The following RIMS1 variants were observed in gnomAD, a reference collection of about 807,000 sequenced individuals.
RIMS1 encodes the protein regulating synaptic membrane exocytosis protein 1.
In RIMS1, 83 loss-of-function variants were observed where a neutral mutation model predicts 214.1. That is an observed-to-expected ratio of 0.39 (90% CI 0.32 to 0.47). The LOEUF is 0.47. RIMS1 is among the 20% of genes least tolerant of loss of function. The probability of loss-of-function intolerance (pLI) is 0.99; values close to 1 mark genes in which losing one functional copy is unlikely to be tolerated. For synonymous variants in RIMS1, 793 were observed against 786.8 expected, an observed-to-expected ratio of 1.01 and a Z score of -0.13; for missense variants, 2,050 against 2,161.8, an observed-to-expected ratio of 0.95 and a Z score of 1.03.
In RIMS1 at chr6:72,160,311, C is replaced by A. The variant is rs1241038176; in HGVS notation, c.472-19264C>A. On this transcript the variant is annotated intron_variant, in intron 4 of 33. Coordinates refer to ENST00000521978, the MANE Select transcript of RIMS1 (RefSeq NM_014989.7). Reference sequence around the variant, plus strand: ...GAGACAATGGGGTTTTCTAGATATACAATCATGTCATCTGCCAACAGGGAC... The same window carrying A: ...GAGACAATGGGGTTTTCTAGATATAAAATCATGTCATCTGCCAACAGGGAC... Among the ~76,000 whole-genome samples the A allele has an allele frequency of 8.6e-5, 12 of 139,768 alleles. 4 individuals carry two copies. The highest frequency in any genetic ancestry group is 1.6e-4 in the Non-Finnish European group (10 of 61,622). 91.7% of individuals were successfully genotyped at this position (139,768 alleles called of 152,430 possible). A position where few individuals can be genotyped will look rare whatever the true frequency, so the allele number is the denominator to read the frequency against.
intron 4 of RIMS1, among the ~76,000 whole-genome samples, chr6:72,167,515 C>A (rs1391600589): frequency 6.6e-6 from 1 of 152,098 alleles, no homozygotes; most frequent in Admixed American, 6.6e-5. Context: ...AGATTGATAT[C>A]ATTCGCTCTT....
intron 1 of RIMS1, among the ~76,000 whole-genome samples, chr6:71,889,462 A>G (rs1262445599): frequency 6.6e-6 from 1 of 152,130 alleles, no homozygotes; most frequent in Non-Finnish European, 1.5e-5. Context: ...ACAAAATATC[A>G]CTGTATATGA....
chr6:72,156,809 T>C (rs1262155371), intron 4 of RIMS1, among the ~76,000 whole-genome samples: 1 of 141,078 alleles, frequency 7.1e-6, no homozygotes, highest in East Asian at 2.0e-4. Flanking sequence ...AATGGATTAA[T>C]GTGAAAATGC....
At chr6:72,082,928 G>A (rs964439754) in intron 2 of RIMS1, among the ~76,000 whole-genome samples, 18 of 152,180 alleles carry the variant, frequency 1.2e-4, no homozygotes, top group African/African-American at 3.9e-4. Context: ...AACAAAGCAG[G>A]TTGAAGAGCT....
chr6:72,294,000 A>C (rs1024513046), intron 26 of RIMS1, among the ~76,000 whole-genome samples: 17 of 151,742 alleles, frequency 1.1e-4, no homozygotes, highest in African/African-American at 3.9e-4. Flanking sequence ...ACAGCTTTTA[A>C]GAAATGTGAC....
chr6:72,003,799 A>G (rs1004373459), intron 2 of RIMS1, among the ~76,000 whole-genome samples: 13 of 151,778 alleles, frequency 8.6e-5, no homozygotes, highest in African/African-American at 1.9e-4. Context: ...TTTTTCTTCA[A>G]TTCAATTTTA....
chr6:72,366,891 T>C, intron 29 of RIMS1: 1 of 969,760 alleles, frequency 1.0e-6, no homozygotes, highest in Non-Finnish European at 1.2e-6. Flanking sequence ...CTTATATGTA[T>C]TTACTAAGTT....
At chr6:72,010,434 C>T (rs1809978661) in intron 2 of RIMS1, among the ~76,000 whole-genome samples, 1 of 152,208 alleles carries the variant, frequency 6.6e-6, no homozygotes, top group African/African-American at 2.4e-5. Context: ...CAGGGATGCC[C>T]TCTCTCACAG....
intron 2 of RIMS1, among the ~76,000 whole-genome samples, chr6:72,063,732 C>T (rs1411154536): frequency 6.6e-6 from 1 of 152,188 alleles, no homozygotes; most frequent in African/African-American, 2.4e-5. Context: ...GATGTGGCCA[C>T]TGCATGTTTC....
Position 71,905,820 on chromosome 6 carries a change from A to T in RIMS1, c.164+18633A>T, listed in dbSNP as rs145605079. Among the ~76,000 whole-genome samples, 861 of 152,164 alleles carry T rather than the reference A, an allele frequency of 5.7e-3. 7 individuals carry two copies. The highest frequency in any genetic ancestry group is 0.019 in the African/African-American group (804 of 41,518). On this transcript the variant is annotated intron_variant, in intron 1 of 33. Coordinates refer to ENST00000521978, the MANE Select transcript of RIMS1 (RefSeq NM_014989.7). ...TCCAGGTGTCTTGGCTCTACACCCT[A>T]CTGCTTGATTCCCAGCTCTCTATCT...
At chr6:72,251,683 G>A (rs956890471) in intron 15 of RIMS1, among the ~76,000 whole-genome samples, 2 of 152,046 alleles carry the variant, frequency 1.3e-5, no homozygotes, top group Non-Finnish European at 2.9e-5. Flanking sequence ...TGCCACCTGT[G>A]AAGTCTTAAT....
At chr6:72,030,480 T>C (rs1388928037) in intron 2 of RIMS1, among the ~76,000 whole-genome samples, 8 of 152,200 alleles carry the variant, frequency 5.3e-5, no homozygotes, top group Non-Finnish European at 7.3e-5. Flanking sequence ...AGATGTGTTA[T>C]GTTAAAATTT....
rs1163516277 is a variant in RIMS1 at position 71,892,012 on chromosome 6, C to T, written c.164+4825C>T. ...ATTGCATTTAATTTGTCCTCATGGG[C>T]TGTTTTCTACTTTTATACATTTGGT... On this transcript the variant is annotated intron_variant, in intron 1 of 33. Coordinates refer to ENST00000521978, the MANE Select transcript of RIMS1 (RefSeq NM_014989.7). Among the ~76,000 whole-genome samples, 3 of 152,124 alleles carry T rather than the reference C, an allele frequency of 2.0e-5. No individual in the cohort carries two copies. In the East Asian group the frequency reaches 5.8e-4, roughly 29 times the overall value.
At chr6:72,165,747 A>G (rs1410477838) in intron 4 of RIMS1, among the ~76,000 whole-genome samples, 1 of 152,172 alleles carries the variant, frequency 6.6e-6, no homozygotes, top group African/African-American at 2.4e-5. Flanking sequence ...CTAATGAGTA[A>G]GGAGAAAAAA....
chr6:72,154,600 C>CT, intron 4 of RIMS1, among the ~76,000 whole-genome samples: 1 of 140,966 alleles, frequency 7.1e-6, no homozygotes, highest in South Asian at 2.3e-4. Context: ...CAAGTATCAA[C>CT]TTTGACAACT....
At chr6:71,983,117 C>A (rs1387510582) in intron 2 of RIMS1, among the ~76,000 whole-genome samples, 1 of 152,090 alleles carries the variant, frequency 6.6e-6, no homozygotes, top group East Asian at 1.9e-4. Flanking sequence ...ACGTACTTGA[C>A]CACCCCCTTC....
At chr6:72,319,746 ACTAT>A (rs2096044126) in intron 28 of RIMS1, among the ~76,000 whole-genome samples, 2 of 151,556 alleles carry the variant, frequency 1.3e-5, no homozygotes, top group South Asian at 4.2e-4. Flanking sequence ...GGTGCCGTAC[ACTAT>A]CTAGTATAAA....
intron 2 of RIMS1, among the ~76,000 whole-genome samples, chr6:71,974,445 G>T (rs79568229): frequency 6.6e-6 from 1 of 151,996 alleles, no homozygotes; most frequent in East Asian, 1.9e-4. Context: ...TTAATACTGC[G>T]TTTTATTTTG....
intron 22 of RIMS1, among the ~76,000 whole-genome samples, chr6:72,269,181 G>T (rs2081913870): frequency 6.6e-6 from 1 of 152,054 alleles, no homozygotes. Flanking sequence ...CTGTACTGAA[G>T]TTCTTCTGTG....
Sources: gnomAD v4.1 joint callset for allele counts (sites outside exome capture counted in the v4.1 genomes callset) on GRCh38, gnomAD v4.1.1 for gene constraint, MANE v1.5 for transcripts, NCBI Gene and HGNC (gene_info 2026-07-23, HGNC 2026-07-21) for gene names.